The following SAMMSON variants were observed in gnomAD, a reference collection of about 807,000 sequenced individuals.
SAMMSON encodes survival associated mitochondrial melanoma specific oncogenic non-coding RNA.
At chr3:70,301,963 ACTTTT>A (rs1353434692) in intron 7 of SAMMSON, among the ~76,000 whole-genome samples, 1 of 152,116 alleles carries the variant, frequency 6.6e-6, no homozygotes, top group Non-Finnish European at 1.5e-5. Context: ...ATCATGAAGC[ACTTTT>A]CTTTACTTTC....
chr3:70,020,060 G>C (rs1452770419), intron 3 of SAMMSON, among the ~76,000 whole-genome samples: 1 of 152,152 alleles, frequency 6.6e-6, no homozygotes. Flanking sequence ...CTTAAAGGTA[G>C]AGTTAAAAAT....
intron 7 of SAMMSON, among the ~76,000 whole-genome samples, chr3:70,311,529 A>T (rs1435052434): frequency 6.6e-6 from 1 of 152,204 alleles, no homozygotes; most frequent in Non-Finnish European, 1.5e-5. Flanking sequence ...ATTATTATTT[A>T]AAAATACTTG....
At chr3:70,200,468 T>C (rs1701226705) in intron 4 of SAMMSON, among the ~76,000 whole-genome samples, 1 of 152,204 alleles carries the variant, frequency 6.6e-6, no homozygotes, top group South Asian at 2.1e-4. Flanking sequence ...TCAGGGCCTT[T>C]GCACATGCTG....
chr3:70,208,947 C>G (rs780364557), intron 4 of SAMMSON, among the ~76,000 whole-genome samples: 2 of 151,980 alleles, frequency 1.3e-5, no homozygotes, highest in South Asian at 4.1e-4. Flanking sequence ...AAACATCTGT[C>G]GTTGAAAGCA....
intron 4 of SAMMSON, chr3:70,120,038 A>C (rs370250416): frequency 6.6e-6 from 1 of 152,208 alleles, no homozygotes; most frequent in African/African-American, 2.4e-5. Flanking sequence ...TGGGCTTGAC[A>C]GTTCTTCAAT....
chr3:70,380,707 C>A (rs1329497289), intron 9 of SAMMSON, among the ~76,000 whole-genome samples: 1 of 151,776 alleles, frequency 6.6e-6, no homozygotes, highest in Non-Finnish European at 1.5e-5. Context: ...CCCTACCCCA[C>A]AACAGGCCCC....
chr3:70,148,090 A>G (rs1054644928), intron 4 of SAMMSON, among the ~76,000 whole-genome samples: 5 of 152,146 alleles, frequency 3.3e-5, no homozygotes, highest in African/African-American at 2.4e-5. Flanking sequence ...AGATGCCACT[A>G]TACATTTTTT....
chr3:70,433,880 C>T (rs1701435962), intron 2 of SAMMSON, among the ~76,000 whole-genome samples: 2 of 152,036 alleles, frequency 1.3e-5, no homozygotes, highest in Admixed American at 1.3e-4. Context: ...TTGATAGTTC[C>T]AGCACCATTT....
chr3:70,026,522 A>G (rs761131314), intron 3 of SAMMSON, among the ~76,000 whole-genome samples: 5 of 152,184 alleles, frequency 3.3e-5, no homozygotes, highest in African/African-American at 4.8e-5. Context: ...CTGCAGAAAT[A>G]TTGAAGACAT....
chr3:70,427,564 C>A (rs962543063), intron 2 of SAMMSON, among the ~76,000 whole-genome samples: 1 of 151,956 alleles, frequency 6.6e-6, no homozygotes, highest in African/African-American at 2.4e-5. Flanking sequence ...ACGGTGAAAC[C>A]CCGTCTCTAC....
chr3:70,180,832 G>C (rs1701047894), intron 4 of SAMMSON, among the ~76,000 whole-genome samples: 1 of 152,130 alleles, frequency 6.6e-6, no homozygotes, highest in South Asian at 2.1e-4. Flanking sequence ...GCTAAGAAAA[G>C]TTCTATGAGT....
intron 2 of SAMMSON, among the ~76,000 whole-genome samples, chr3:70,417,112 C>A (rs534828610): frequency 2.0e-5 from 3 of 152,114 alleles, no homozygotes; most frequent in Non-Finnish European, 4.4e-5. Flanking sequence ...CCAACTGGAA[C>A]AAAGCCTTCA....
At chr3:70,369,381 A>G (rs1056372062) in intron 9 of SAMMSON, among the ~76,000 whole-genome samples, 3 of 151,778 alleles carry the variant, frequency 2.0e-5, no homozygotes, top group African/African-American at 7.2e-5. Context: ...GGAGCATGAC[A>G]GGAAAAAAAT....
intron 4 of SAMMSON, among the ~76,000 whole-genome samples, chr3:70,199,044 A>G (rs1225056801): frequency 4.6e-5 from 7 of 152,210 alleles, no homozygotes; most frequent in Non-Finnish European, 1.0e-4. Flanking sequence ...TCAGCAGACA[A>G]TCTCCAAGTG....
At position 70,056,919 on chromosome 3, in the gene SAMMSON, A is replaced by G. The variant is rs371175608; in HGVS notation, n.418-14557A>G. On this transcript the variant is annotated intron_variant and non_coding_transcript_variant, in intron 3 of 9. Coordinates refer to ENST00000642114, the Ensembl canonical transcript of SAMMSON. ...AAAGCCTAATCTATATAAATGAACT[A>G]GTTTAAAAATATGACGGCATTTAGT... is the stretch of plus-strand genomic sequence containing the variant. 4.6e-5 allele frequency among the ~76,000 whole-genome samples: 7 copies of G among 152,058 alleles called. No individual in the cohort carries two copies. The East Asian group carries it at 1.4e-3, about 29-fold the overall frequency.
chr3:70,199,209 T>C (rs140933683), intron 4 of SAMMSON, among the ~76,000 whole-genome samples: 94 of 152,290 alleles, frequency 6.2e-4, no homozygotes, highest in African/African-American at 2.0e-3. Flanking sequence ...ACCTTAAGGA[T>C]TGGAGCTGGT....
intron 3 of SAMMSON, among the ~76,000 whole-genome samples, chr3:70,062,539 A>C (rs1159067428): frequency 1.3e-5 from 2 of 152,108 alleles, no homozygotes; most frequent in Non-Finnish European, 2.9e-5. Context: ...TGCTCAGTAC[A>C]TATTTGTCAG....
At chr3:70,128,530 T>C (rs929423981) in intron 4 of SAMMSON, among the ~76,000 whole-genome samples, 3 of 152,210 alleles carry the variant, frequency 2.0e-5, no homozygotes, top group African/African-American at 7.2e-5. Context: ...AAGACAATGA[T>C]TGAAATACGG....
chr3:70,164,463 T>C (rs1025181421), intron 4 of SAMMSON, among the ~76,000 whole-genome samples: 8 of 152,034 alleles, frequency 5.3e-5, no homozygotes, highest in African/African-American at 1.9e-4. Flanking sequence ...TTTATTGAGG[T>C]GAATAGTACT....
Sources: allele counts gnomAD v4.1 joint callset (sites outside exome capture counted in the v4.1 genomes callset), GRCh38; gene constraint gnomAD v4.1.1; transcripts MANE v1.5; gene names NCBI Gene and HGNC (gene_info 2026-07-23, HGNC 2026-07-21).